DDHD2: variants seen among roughly 807,000 people sequenced by gnomAD.
The protein encoded by DDHD2 is DDHD domain containing 2.
Under a neutral mutation model 91.2 loss-of-function variants are expected in DDHD2, and 62 were observed. That is an observed-to-expected ratio of 0.68 (90% CI 0.55 to 0.84). The LOEUF is 0.84. Ranked by LOEUF, DDHD2 falls within the 40% of genes least tolerant of loss-of-function variation. The pLI is 0.00. For missense variants in DDHD2, 740 were observed against 846.9 expected, an observed-to-expected ratio of 0.87 and a Z score of 1.57; for synonymous variants, 271 against 293.9, an observed-to-expected ratio of 0.92 and a Z score of 0.80.
At position 38,242,377 on chromosome 8, in the gene DDHD2, T is replaced by C. The variant is rs762476082; in HGVS notation, c.840T>C (p.Gly280=). 6.2e-7 allele frequency: 1 copy of C among 1,610,646 alleles called. No homozygotes were observed. The highest frequency in any genetic ancestry group is 2.2e-5 in the East Asian group (1 of 44,784). The change falls in exon 7 of 18, where the codon GGT becomes GGC. Residue 280 remains glycine, a synonymous_variant. Transcript: ENST00000397166. ...GGCACAGTCCTTTGCATTCTACTGGTGTGGATGTGTGAGTAATACTTAATA... is the reference window on the plus strand; with the variant it reads ...GGCACAGTCCTTTGCATTCTACTGGCGTGGATGTGTGAGTAATACTTAATA... ...VNWHSPLHST[G]VDVDLQRITL...
intron 16 of DDHD2, among the ~76,000 whole-genome samples, chr8:38,257,662 ATTTTTTTTTT>A (rs35509320): frequency 9.1e-6 from 1 of 109,384 alleles, no homozygotes; most frequent in Non-Finnish European, 1.9e-5. Context: ...TTACCACAGT[ATTTTTTTTTT>A]TTTTTTTTTT....
chr8:38,268,955 A>G (rs1384298829), intron 1 of DDHD2: 1 of 1,567,468 alleles, frequency 6.4e-7, no homozygotes, highest in Non-Finnish European at 8.6e-7. Context: ...CTCCGGCTGG[A>G]TGAGTCTCTG....
intron 1 of DDHD2, chr8:38,269,610 G>GGATT: frequency 5.0e-6 from 1 of 201,390 alleles, no homozygotes; most frequent in South Asian, 1.5e-4. Context: ...GAGGTTGGCT[G>GGATT]GATTGTGTCA....
downstream of DDHD2, chr8:38,267,130 T>C (rs1807745161): frequency 6.5e-7 from 1 of 1,541,506 alleles, no homozygotes; most frequent in Non-Finnish European, 8.8e-7. Flanking sequence ...TGTTAAACTG[T>C]GGAGTTACTA....
intron 1 of DDHD2, chr8:38,268,401 C>T (rs1042123531): frequency 1.9e-6 from 3 of 1,574,038 alleles, no homozygotes; most frequent in Non-Finnish European, 2.6e-6. Flanking sequence ...TCTCTTGTGT[C>T]TGCCTTCTTG....
In DDHD2 at chr8:38,253,647, T is replaced by C; in HGVS notation, c.1983T>C (p.Tyr661=). The change falls in exon 16 of 18, where the codon TAT becomes TAC. Residue 661 remains tyrosine, a synonymous_variant. Coordinates refer to ENST00000397166, the MANE Select transcript of DDHD2 (RefSeq NM_015214.3). ...GMLNGGQRID[Y]VLQEKPIESF... is the part of the protein sequence containing the mutation. ...TGAATGGAGGCCAACGCATTGACTA[T>C]GTGCTACAGGAGAAGCCTATTGAAA... 6 of 1,614,126 alleles carry C rather than the reference T, an allele frequency of 3.7e-6. No homozygotes were observed. Among genetic ancestry groups the C allele is most frequent in the Non-Finnish European group, 5.1e-6 (6 of 1,179,926 alleles).
Position 38,253,576 on chromosome 8 carries a change from T to C in DDHD2, c.1912T>C (p.Ser638Pro). 3 of 1,614,132 alleles carry C rather than the reference T, an allele frequency of 1.9e-6. No homozygotes were observed. The African/African-American group carries it at 4.0e-5, about 22-fold the overall frequency. ...KPSDVNTEET[S>P]VAVKEEVLPI... ...TCCAGATGTTAACACAGAAGAGACC[T>C]CTGTGGCAGTTAAAGAAGAAGTCCT... Residue 638 changes from serine (S) to proline (P), a missense_variant, in exon 16 of 18, where the codon TCT (serine) becomes CCT (proline). By Grantham distance (74) the Ser-to-Pro change is moderately conservative. Transcript: ENST00000397166.
At chr8:38,269,146 G>C (rs1263248816) in intron 1 of DDHD2, 5 of 1,517,218 alleles carry the variant, frequency 3.3e-6, no homozygotes, top group Non-Finnish European at 4.4e-6. Flanking sequence ...CGAACAGCGC[G>C]AGCCGCACGC....
chr8:38,268,465 A>G lies in DDHD2; in HGVS notation n.88-2657A>G, dbSNP rs751752471. The G allele has an allele frequency of 1.9e-6, 3 of 1,566,410 alleles. No homozygotes were observed. In the South Asian group the frequency reaches 3.5e-5, roughly 18 times the overall value. On this transcript the variant is annotated intron_variant and non_coding_transcript_variant, in intron 1 of 1. Transcript: ENST00000526071. ...GTGGAGAGAGAAATGCAATAACCTGAATCAGAATGTCAGAGGTTAAAAACA... is the reference window on the plus strand; with the variant it reads ...GTGGAGAGAGAAATGCAATAACCTGGATCAGAATGTCAGAGGTTAAAAACA...
chr8:38,267,319 AT>A (rs772190506), downstream of DDHD2: 1 of 1,614,030 alleles, frequency 6.2e-7, no homozygotes, highest in East Asian at 2.2e-5. Flanking sequence ...CCACGTCCTT[AT>A]CCCCTGTACA....
intron 1 of DDHD2, chr8:38,269,360 G>A (rs551717112): frequency 3.9e-4 from 289 of 740,036 alleles, no homozygotes; most frequent in Non-Finnish European, 4.7e-4. Context: ...CTGGCAAAGG[G>A]TACGCAAAGC....
Position 38,245,920 on chromosome 8 carries a change from G to C in DDHD2, c.1027G>C (p.Gly343Arg), listed in dbSNP as rs1466766571. Residue 343 changes from glycine to arginine, a missense_variant, in exon 8 of 18, where the codon GGG becomes CGG. Coordinates refer to ENST00000397166, the MANE Select transcript of DDHD2 (RefSeq NM_015214.3). The part of the protein sequence containing the change: ...LFLQRNPDFK[G>R]GVSIAGHSLG... ...TCTACAGAGGAACCCTGATTTCAAA[G>C]GGGGTGTATCCATTGCTGGTCATAG... 3 of 1,613,792 alleles carry C rather than the reference G, an allele frequency of 1.9e-6. No homozygotes were observed. Among genetic ancestry groups the C allele is most frequent in the African/African-American group, 2.7e-5 (2 of 74,916 alleles).
intron 1 of DDHD2, chr8:38,268,860 A>G (rs2130956376): frequency 1.3e-6 from 2 of 1,535,702 alleles, no homozygotes; most frequent in Non-Finnish European, 1.7e-6. Context: ...GGAGGGAGGA[A>G]AGACGATCTT....
intron 16 of DDHD2, 88 bp from the exon 17 acceptor site, chr8:38,259,952 G>T (rs1806853026): frequency 1.2e-6 from 1 of 835,994 alleles, no homozygotes; most frequent in South Asian, 1.5e-5. Flanking sequence ...CTTGCAAGAT[G>T]GTTGTATGGA....
chr8:38,254,935 C>A (rs2130861595), intron 16 of DDHD2, among the ~76,000 whole-genome samples: 1 of 151,642 alleles, frequency 6.6e-6, no homozygotes, highest in South Asian at 2.1e-4. Flanking sequence ...AAGAAGTTGA[C>A]ATAAAAATAA....
chr8:38,234,701 C>A, intron 3 of DDHD2, 117 bp downstream of exon 3: 2 of 712,944 alleles, frequency 2.8e-6, no homozygotes, highest in Non-Finnish European at 4.4e-6. Context: ...GTCTGCATCA[C>A]ATTATAAAAC....
rs1016257706 is a variant in DDHD2 at position 38,261,928 on chromosome 8, T to C, written c.*1355T>C. ...CGAGCTGTGGTTTATTGTTTATAAA[T>C]TTTTTTATAAATGTTATGGTATTCA... On this transcript the variant is annotated 3_prime_UTR_variant, in exon 18 of 18. Coordinates refer to ENST00000397166, the MANE Select transcript of DDHD2 (RefSeq NM_015214.3). 6.6e-6 allele frequency: 1 copy of C among 152,282 alleles called. No individual in the cohort carries two copies. Among genetic ancestry groups the C allele is most frequent in the African/African-American group, 2.4e-5 (1 of 41,560 alleles). The allele number at this position is 152,282 out of a possible 1,614,324, so 9.4% of individuals were successfully genotyped here.
At chr8:38,247,593 G>A (rs958674428) in intron 9 of DDHD2, 120 bp from the exon 10 acceptor site, 2 of 577,884 alleles carry the variant, frequency 3.5e-6, no homozygotes, top group African/African-American at 3.9e-5. Context: ...TTGCATAAAT[G>A]ACAATTTGTT....
intron 15 of DDHD2, 170 bp downstream of exon 15, chr8:38,253,297 A>G: frequency 1.2e-6 from 1 of 844,180 alleles, no homozygotes; most frequent in Non-Finnish European, 1.8e-6. Flanking sequence ...TGCATTTAGT[A>G]TAAACCCAAG....
Sources: gnomAD v4.1 joint callset for allele counts (sites outside exome capture counted in the v4.1 genomes callset) on GRCh38, gnomAD v4.1.1 for gene constraint, MANE v1.5 for transcripts, NCBI Gene and HGNC (gene_info 2026-07-23, HGNC 2026-07-21) for gene names.